Variants in GRID2 observed in about 807,000 individuals in gnomAD.
The protein encoded by GRID2 is glutamate receptor ionotropic, delta-2.
A neutral mutation model predicts 114.8 loss-of-function variants in GRID2; 33 were observed. The observed-to-expected ratio is 0.29, with a 90% confidence interval of 0.22 to 0.38. The LOEUF is 0.38. Ranked by LOEUF, GRID2 falls within the 10% of genes least tolerant of loss-of-function variation. The probability of loss-of-function intolerance (pLI) is 1.00; values close to 1 mark genes in which losing one functional copy is unlikely to be tolerated. For missense variants in GRID2, 1,184 were observed against 1,257.7 expected (o/e 0.94, Z 0.89); for synonymous variants, 505 against 449.9 (o/e 1.12, Z -1.55).
At chr4:92,773,810 C>T (rs919195399) in intron 2 of GRID2, among the ~76,000 whole-genome samples, 5 of 151,834 alleles carry the variant, frequency 3.3e-5, no homozygotes, top group African/African-American at 1.2e-4. Context: ...TAATTTAGAG[C>T]TTTTTAGTAA....
At chr4:92,603,502 A>C (rs1729318661) in intron 2 of GRID2, among the ~76,000 whole-genome samples, 1 of 152,178 alleles carries the variant, frequency 6.6e-6, no homozygotes. Flanking sequence ...ATACTTAGAA[A>C]ACTGAAACTG....
intron 12 of GRID2, among the ~76,000 whole-genome samples, chr4:93,502,701 C>T (rs548539012): frequency 5.3e-5 from 7 of 132,884 alleles, no homozygotes; most frequent in Admixed American, 1.6e-4. Flanking sequence ...TGGCTCTCTC[C>T]TCCACTCCCC....
chr4:93,286,989 A>C lies in GRID2; in HGVS notation c.1245+48499A>C, dbSNP rs868227937. Among the ~76,000 whole-genome samples, 16 of 152,232 alleles carry C rather than the reference A, an allele frequency of 1.1e-4. No homozygotes were observed. In the South Asian group the frequency reaches 1.7e-3, roughly 16 times the overall value. Reference sequence around the variant, plus strand: ...TTTTATTCTTAAGGTGAGAAAAATGATAGTATTATTGTGAAATCAAGGTAA... The same window carrying C: ...TTTTATTCTTAAGGTGAGAAAAATGCTAGTATTATTGTGAAATCAAGGTAA... On this transcript the variant is annotated intron_variant, in intron 8 of 15. Coordinates refer to ENST00000282020, the MANE Select transcript of GRID2 (RefSeq NM_001510.4).
intron 14 of GRID2, among the ~76,000 whole-genome samples, chr4:93,724,670 C>T (rs893358799): frequency 3.9e-5 from 6 of 151,940 alleles, no homozygotes; most frequent in South Asian, 2.1e-4. Context: ...AATAAGAGAC[C>T]GAGAGAGGAA....
In GRID2 at chr4:92,571,114, A is replaced by G. The variant is rs867934200; in HGVS notation, c.89-19017A>G. On this transcript the variant is annotated intron_variant, in intron 1 of 15. Coordinates refer to ENST00000282020, the MANE Select transcript of GRID2 (RefSeq NM_001510.4). ...TATATGGCTGTTATTATTTTGAGGT[A>G]TGTTCCTTCAATACATGGTTTATTG... 3.3e-5 allele frequency among the ~76,000 whole-genome samples: 5 copies of G among 152,144 alleles called. No homozygotes were observed. In the South Asian group the frequency reaches 1.0e-3, roughly 32 times the overall value.
chr4:93,689,398 T>TGTGCCAAAG (rs1456687114), intron 14 of GRID2, among the ~76,000 whole-genome samples: 4 of 152,100 alleles, frequency 2.6e-5, no homozygotes, highest in Non-Finnish European at 5.9e-5. Context: ...ATAATTCAGT[T>TGTGCCAAAG]GTGCCAAAGT....
intron 1 of GRID2, among the ~76,000 whole-genome samples, chr4:92,363,228 C>T (rs960531778): frequency 1.3e-5 from 2 of 151,934 alleles, no homozygotes; most frequent in African/African-American, 4.8e-5. Flanking sequence ...AACAAGTCCC[C>T]CCATGTGAAT....
chr4:93,127,697 A>G (rs1734403685), intron 4 of GRID2, among the ~76,000 whole-genome samples: 1 of 152,022 alleles, frequency 6.6e-6, no homozygotes, highest in Non-Finnish European at 1.5e-5. Context: ...AGTTTAGATT[A>G]CTAGTACGGA....
intron 13 of GRID2, among the ~76,000 whole-genome samples, chr4:93,527,116 G>T (rs1730989211): frequency 6.6e-6 from 1 of 152,056 alleles, no homozygotes; most frequent in South Asian, 2.1e-4. Context: ...TGTGTTCAGT[G>T]TTCTACAATT....
At chr4:92,305,525 C>T (rs1160168114) in intron 1 of GRID2, among the ~76,000 whole-genome samples, 1 of 152,100 alleles carries the variant, frequency 6.6e-6, no homozygotes, top group Non-Finnish European at 1.5e-5. Flanking sequence ...TCCGCCTTGC[C>T]TCGCCTCGCC....
chr4:92,678,047 C>T (rs1442610061), intron 2 of GRID2, among the ~76,000 whole-genome samples: 2 of 152,074 alleles, frequency 1.3e-5, no homozygotes, highest in African/African-American at 4.8e-5. Flanking sequence ...GCTTTGCACT[C>T]ATTATGTCCT....
intron 13 of GRID2, among the ~76,000 whole-genome samples, chr4:93,533,238 CTT>C (rs1731633321): frequency 6.7e-6 from 1 of 149,950 alleles, no homozygotes; most frequent in Non-Finnish European, 1.5e-5. Context: ...AGGGCCCTTT[CTT>C]TCTCTCTTCC....
At chr4:93,395,079 A>T (rs982520130) in intron 8 of GRID2, among the ~76,000 whole-genome samples, 2 of 152,004 alleles carry the variant, frequency 1.3e-5, no homozygotes, top group Admixed American at 6.6e-5. Context: ...CAAAAAGGCA[A>T]ATTATATTGT....
chr4:93,158,530 A>G (rs971883435), intron 4 of GRID2, among the ~76,000 whole-genome samples: 15 of 150,328 alleles, frequency 1.0e-4, no homozygotes, highest in Non-Finnish European at 1.6e-4. Context: ...ATACTACCTT[A>G]CCTTGCAGAA....
At chr4:92,314,696 G>C (rs72660098) in intron 1 of GRID2, among the ~76,000 whole-genome samples, 1 of 152,138 alleles carries the variant, frequency 6.6e-6, no homozygotes, top group Non-Finnish European at 1.5e-5. Context: ...ATGTGTGTAA[G>C]GTATATATGA....
At chr4:93,483,925 T>G (rs1329441656) in intron 11 of GRID2, among the ~76,000 whole-genome samples, 1 of 151,736 alleles carries the variant, frequency 6.6e-6, no homozygotes, top group Non-Finnish European at 1.5e-5. Flanking sequence ...TTTAGCAAGG[T>G]GAGATTATGT....
At chr4:93,104,583 T>G (rs1732018815) in intron 3 of GRID2, among the ~76,000 whole-genome samples, 1 of 152,140 alleles carries the variant, frequency 6.6e-6, no homozygotes, top group Non-Finnish European at 1.5e-5. Flanking sequence ...TTGCAATAGT[T>G]TACTGAGAAT....
chr4:92,674,640 G>C (rs1733247965), intron 2 of GRID2, among the ~76,000 whole-genome samples: 1 of 152,068 alleles, frequency 6.6e-6, no homozygotes, highest in Admixed American at 6.6e-5. Context: ...CTCTGCCTCA[G>C]CCTCCCAAGT....
At chr4:92,564,086 A>G (rs1383543296) in intron 1 of GRID2, among the ~76,000 whole-genome samples, 1 of 152,014 alleles carries the variant, frequency 6.6e-6, no homozygotes, top group African/African-American at 2.4e-5. Context: ...ATTATGTCAC[A>G]TTTTATTACA....
Sources: allele counts gnomAD v4.1 joint callset (sites outside exome capture counted in the v4.1 genomes callset), GRCh38; gene constraint gnomAD v4.1.1; transcripts MANE v1.5; gene names NCBI Gene and HGNC (gene_info 2026-07-23, HGNC 2026-07-21).